CDH8: variants seen among roughly 807,000 people sequenced by gnomAD.
CDH8 encodes the protein cadherin-8.
In CDH8, 17 loss-of-function variants were observed where a neutral mutation model predicts 68.1. The observed-to-expected ratio is 0.25, with a 90% CI of 0.17 to 0.37. CDH8 has a LOEUF of 0.37. CDH8 is among the 10% of genes least tolerant of loss of function. CDH8 has a pLI of 1.00. For synonymous variants in CDH8, 372 were observed against 365.1 expected (o/e 1.02, Z -0.21); for missense variants, 763 against 999.3 (o/e 0.76, Z 3.19).
In CDH8 at chr16:61,653,207, T is replaced by G; in HGVS notation, c.*401A>C. ...AACCATTTGCATTCATAAAAATCCT[T>G]GCAGAAGACACATATCAGCAGCAGA... On this transcript the variant is annotated 3_prime_UTR_variant, in exon 12 of 12. Coordinates refer to ENST00000577390, the MANE Select transcript of CDH8 (RefSeq NM_001796.5). The G allele has an allele frequency of 1.7e-6, 2 of 1,207,612 alleles. No homozygotes were observed. The highest frequency in any genetic ancestry group is 2.1e-6 in the Non-Finnish European group (2 of 974,066). 74.8% of individuals were successfully genotyped at this position (1,207,612 alleles called of 1,614,324 possible). A position where few individuals can be genotyped will look rare whatever the true frequency, so the allele number is the denominator to read the frequency against.
At chr16:61,880,030 A>G (rs1963540449) in intron 3 of CDH8, among the ~76,000 whole-genome samples, 1 of 151,846 alleles carries the variant, frequency 6.6e-6, no homozygotes, top group Admixed American at 6.6e-5. Flanking sequence ...GGTTCAAGCG[A>G]TTATCCTGCC....
At chr16:62,033,457 A>C (rs1428613802) in intron 1 of CDH8, among the ~76,000 whole-genome samples, 4 of 152,190 alleles carry the variant, frequency 2.6e-5, no homozygotes, top group Non-Finnish European at 5.9e-5. Flanking sequence ...AATGCATCCT[A>C]CACACCAGAA....
chr16:61,935,399 T>G (rs1253447022), intron 2 of CDH8, among the ~76,000 whole-genome samples: 1 of 152,180 alleles, frequency 6.6e-6, no homozygotes, highest in Non-Finnish European at 1.5e-5. Flanking sequence ...AGTGGAGGAA[T>G]TTAGAAATGA....
intron 8 of CDH8, among the ~76,000 whole-genome samples, chr16:61,749,155 T>C (rs981316572): frequency 9.9e-5 from 15 of 151,984 alleles, no homozygotes; most frequent in Admixed American, 2.6e-4. Context: ...ATCAGAACAT[T>C]TGACATCATT....
rs189322972 is a variant in CDH8 at position 61,847,908 on chromosome 16, A to G, written c.667+9211T>C. Among the ~76,000 whole-genome samples the G allele has an allele frequency of 3.9e-3, 585 of 150,414 alleles. 8 individuals are homozygous for G. Among genetic ancestry groups the G allele is most frequent in the Admixed American group, 0.013 (196 of 15,036 alleles). The stretch of plus-strand genomic sequence containing the variant: ...ACACACACACACACACACACAGACA[A>G]ACACACACACACACACTTTTTTATT... On this transcript the variant is annotated intron_variant, in intron 4 of 11. Coordinates refer to ENST00000577390, the MANE Select transcript of CDH8 (RefSeq NM_001796.5).
chr16:61,798,684 A>T (rs1961552075), intron 7 of CDH8, among the ~76,000 whole-genome samples: 1 of 152,162 alleles, frequency 6.6e-6, no homozygotes, highest in Non-Finnish European at 1.5e-5. Flanking sequence ...CAAGTTAGAG[A>T]TGATGGTGTT....
At chr16:61,792,806 C>T (rs919923043) in intron 7 of CDH8, among the ~76,000 whole-genome samples, 22 of 151,856 alleles carry the variant, frequency 1.4e-4, no homozygotes, top group African/African-American at 5.3e-4. Flanking sequence ...GATAGGTGTG[C>T]CACACTTTAC....
chr16:61,953,167 A>C (rs1259268578), intron 2 of CDH8, among the ~76,000 whole-genome samples: 1 of 152,194 alleles, frequency 6.6e-6, no homozygotes, highest in Non-Finnish European at 1.5e-5. Context: ...ACCCATAACC[A>C]GACACCAAAT....
At chr16:61,872,433 G>A (rs568979143) in intron 3 of CDH8, among the ~76,000 whole-genome samples, 3 of 152,198 alleles carry the variant, frequency 2.0e-5, no homozygotes, top group Admixed American at 6.5e-5. Context: ...TCAAAATGAC[G>A]GCTTCTAGGT....
intron 7 of CDH8, among the ~76,000 whole-genome samples, chr16:61,811,152 T>C (rs1255835855): frequency 1.3e-5 from 2 of 152,146 alleles, no homozygotes; most frequent in Non-Finnish European, 2.9e-5. Flanking sequence ...TAGAAATTTC[T>C]TGACAAAATG....
intron 2 of CDH8, among the ~76,000 whole-genome samples, chr16:61,968,079 G>A (rs1217990530): frequency 6.6e-6 from 1 of 152,118 alleles, no homozygotes; most frequent in Non-Finnish European, 1.5e-5. Context: ...CAAAGAGCTG[G>A]GATTACATAA....
intron 2 of CDH8, among the ~76,000 whole-genome samples, chr16:61,975,031 A>G (rs1265002586): frequency 6.6e-6 from 1 of 152,194 alleles, no homozygotes; most frequent in Non-Finnish European, 1.5e-5. Context: ...GACTCTCTTT[A>G]TAGGAAAAAA....
chr16:61,796,397 T>C (rs557660589), intron 7 of CDH8, among the ~76,000 whole-genome samples: 5 of 152,174 alleles, frequency 3.3e-5, no homozygotes, highest in Non-Finnish European at 5.9e-5. Context: ...TTGAGAAGAA[T>C]AGCATGCACA....
chr16:61,844,419 TTAAAA>T (rs2143009443), intron 4 of CDH8, among the ~76,000 whole-genome samples: 1 of 152,172 alleles, frequency 6.6e-6, no homozygotes, highest in East Asian at 1.9e-4. Flanking sequence ...ACCCTAAAAC[TTAAAA>T]TATAATAAAG....
At chr16:61,886,222 T>A (rs967821915) in intron 3 of CDH8, among the ~76,000 whole-genome samples, 1 of 152,196 alleles carries the variant, frequency 6.6e-6, no homozygotes, top group African/African-American at 2.4e-5. Context: ...ACACCATGCC[T>A]TACCCTAAGG....
rs756404199 is a variant in CDH8 at position 61,857,240 on chromosome 16, TAATAA to T, written c.548-7_548-3del. ...CAGTGACGTTAGTGACAGATGTACC[TAATAA>T]AATAGAGAAAGAAAAAAGATAATAA... On this transcript the variant is annotated splice_polypyrimidine_tract_variant and splice_region_variant and intron_variant, in intron 3 of 11. Coordinates refer to ENST00000577390, the MANE Select transcript of CDH8 (RefSeq NM_001796.5). 6 of 1,609,736 alleles carry T rather than the reference TAATAA, an allele frequency of 3.7e-6. No individual in the cohort carries two copies. The highest frequency in any genetic ancestry group is 5.1e-6 in the Non-Finnish European group (6 of 1,176,908).
chr16:62,028,025 C>T (rs190928650), intron 1 of CDH8, among the ~76,000 whole-genome samples: 252 of 149,814 alleles, frequency 1.7e-3, no homozygotes, highest in Non-Finnish European at 2.1e-3. Context: ...ATATTGTTTG[C>T]TTGTTTTGAC....
At chr16:61,858,379 C>A (rs1407221653) in intron 3 of CDH8, among the ~76,000 whole-genome samples, 9 of 152,108 alleles carry the variant, frequency 5.9e-5, no homozygotes, top group Non-Finnish European at 1.3e-4. Context: ...ATGGGAAGTT[C>A]TGGGAACTCC....
At chr16:61,723,198 A>G (rs1419936961) in intron 9 of CDH8, among the ~76,000 whole-genome samples, 1 of 150,878 alleles carries the variant, frequency 6.6e-6, no homozygotes, top group Non-Finnish European at 1.5e-5. Flanking sequence ...GATCCTACTA[A>G]GGAGGTAAGA....
Sources: gnomAD v4.1 joint callset for allele counts (sites outside exome capture counted in the v4.1 genomes callset) on GRCh38, gnomAD v4.1.1 for gene constraint, MANE v1.5 for transcripts, NCBI Gene and HGNC (gene_info 2026-07-23, HGNC 2026-07-21) for gene names.